Variants in PRSS12 observed in about 807,000 individuals in gnomAD.
PRSS12 encodes serine protease 12, also known as neurotrypsin.
In PRSS12, 85 loss-of-function variants were observed where a neutral mutation model predicts 104.4. The ratio of observed to expected loss-of-function variants is 0.81; its 90% CI spans 0.68 to 0.98. The LOEUF is 0.98. Ranked by LOEUF, PRSS12 falls within the 50% of genes least tolerant of loss-of-function variation. PRSS12 has a pLI of 0.00. For synonymous variants in PRSS12, 454 were observed against 425.2 expected, an observed-to-expected ratio of 1.07 and a Z score of -0.83; for missense variants, 1,141 against 1,139.2, an observed-to-expected ratio of 1.00 and a Z score of -0.02.
At chr4:118,343,314 G>A (rs1349866554) in intron 1 of PRSS12, among the ~76,000 whole-genome samples, 5 of 151,996 alleles carry the variant, frequency 3.3e-5, no homozygotes, top group Admixed American at 3.3e-4. Context: ...AGGATTGCTT[G>A]TACCCAGGAG....
At position 118,294,879 on chromosome 4, in the gene PRSS12, G is replaced by T. The variant is rs1348701558; in HGVS notation, c.2039+60C>A. 3.7e-6 allele frequency: 6 copies of T among 1,605,348 alleles called. No individual in the cohort carries two copies. The African/African-American group carries it at 8.0e-5, about 21-fold the overall frequency. ...ACCTTGAGTGCTGTAGAGCATGAGG[G>T]GATTGGAAGAACTGATGAATAGAAG... On this transcript the variant is annotated intron_variant, in intron 11 of 12. Coordinates refer to ENST00000296498, the MANE Select transcript of PRSS12 (RefSeq NM_003619.4).
chr4:118,311,389 C>A (rs1743722691), intron 7 of PRSS12, among the ~76,000 whole-genome samples: 1 of 152,098 alleles, frequency 6.6e-6, no homozygotes. Flanking sequence ...AATTAGCCTT[C>A]AAATAGCTGA....
chr4:118,339,509 A>G (rs959494359), intron 1 of PRSS12, among the ~76,000 whole-genome samples: 2 of 152,330 alleles, frequency 1.3e-5, no homozygotes, highest in African/African-American at 4.8e-5. Flanking sequence ...AAAACATATT[A>G]TATTTCTCAC....
At chr4:118,335,333 T>C (rs1216272110) in intron 3 of PRSS12, 140 bp downstream of exon 3, 1 of 934,650 alleles carries the variant, frequency 1.1e-6, no homozygotes, top group South Asian at 1.8e-5. Flanking sequence ...ACTAATTAGA[T>C]GGTAAAATAT....
At chr4:118,345,947 T>C (rs1724343825) in intron 1 of PRSS12, among the ~76,000 whole-genome samples, 2 of 152,206 alleles carry the variant, frequency 1.3e-5, no homozygotes, top group South Asian at 4.1e-4. Context: ...TATGTAATCA[T>C]GGTAATTGTA....
chr4:118,323,763 CA>C (rs1054126360), intron 4 of PRSS12, among the ~76,000 whole-genome samples: 1 of 148,328 alleles, frequency 6.7e-6, no homozygotes, highest in Non-Finnish European at 1.5e-5. Context: ...TTGCAATTTG[CA>C]AAAAAAAACT....
At chr4:118,322,538 A>G (rs1723660872) in intron 4 of PRSS12, among the ~76,000 whole-genome samples, 1 of 143,756 alleles carries the variant, frequency 7.0e-6, no homozygotes. Context: ...TGACACAGCG[A>G]GACTCCATCT....
intron 7 of PRSS12, 96 bp downstream of exon 7, chr4:118,313,105 A>G (rs1298122471): frequency 2.1e-6 from 3 of 1,454,004 alleles, no homozygotes; most frequent in Non-Finnish European, 2.8e-6. Context: ...CCCCAAAAAA[A>G]GCCAAAGATG....
chr4:118,343,694 T>C (rs1724273842), intron 1 of PRSS12, among the ~76,000 whole-genome samples: 1 of 152,140 alleles, frequency 6.6e-6, no homozygotes, highest in Non-Finnish European at 1.5e-5. Flanking sequence ...CATTCAAGGT[T>C]ACGATGAGCT....
intron 11 of PRSS12, among the ~76,000 whole-genome samples, chr4:118,287,720 A>G (rs960205543): frequency 1.3e-5 from 2 of 152,188 alleles, no homozygotes; most frequent in African/African-American, 2.4e-5. Flanking sequence ...TTATGGTTCT[A>G]GGCTTCTCAA....
intron 11 of PRSS12, among the ~76,000 whole-genome samples, chr4:118,287,179 CTG>C (rs1176772325): frequency 7.2e-5 from 11 of 152,106 alleles, no homozygotes; most frequent in Non-Finnish European, 1.5e-5. Context: ...AGGGTTCACT[CTG>C]TTGCCCAGGC....
intron 2 of PRSS12, 130 bp downstream of exon 2, chr4:118,338,044 CTT>C: frequency 8.2e-7 from 1 of 1,216,228 alleles, no homozygotes; most frequent in Non-Finnish European, 1.2e-6. Context: ...CTTTATAGCT[CTT>C]TTGTGAAAAG....
chr4:118,335,912 T>A (rs919747420), intron 2 of PRSS12, among the ~76,000 whole-genome samples: 7 of 152,192 alleles, frequency 4.6e-5, no homozygotes, highest in African/African-American at 1.7e-4. Context: ...AATGACTGAT[T>A]TAGAAGAAAA....
Position 118,350,004 on chromosome 4 carries a change from A to T in PRSS12, c.502+2215T>A, listed in dbSNP as rs115892076. 4.2e-3 allele frequency among the ~76,000 whole-genome samples: 644 copies of T among 152,288 alleles called. 10 individuals carry two copies. The highest frequency in any genetic ancestry group is 0.015 in the African/African-American group (623 of 41,546). On this transcript the variant is annotated intron_variant, in intron 1 of 12. Coordinates refer to ENST00000296498, the MANE Select transcript of PRSS12 (RefSeq NM_003619.4). ...GGTGACAGACGAAGACCCTTGTCAA[A>T]AAATAAATAAATAAATAAAAATAAA...
chr4:118,335,853 G>T (rs183409308), intron 2 of PRSS12, among the ~76,000 whole-genome samples: 1 of 152,164 alleles, frequency 6.6e-6, no homozygotes, highest in Non-Finnish European at 1.5e-5. Flanking sequence ...CCTACTTATG[G>T]AATTCTTTTC....
At chr4:118,298,666 C>T in intron 9 of PRSS12, 67 bp downstream of exon 9, 5 of 1,402,808 alleles carry the variant, frequency 3.6e-6, no homozygotes, top group Non-Finnish European at 4.0e-6. Flanking sequence ...TATCAAAGTA[C>T]TGCTTATAGT....
intron 2 of PRSS12, 36 bp from the exon 3 acceptor site, chr4:118,335,687 T>C (rs748778369): frequency 2.2e-5 from 35 of 1,594,906 alleles, no homozygotes; most frequent in Non-Finnish European, 3.0e-5. Context: ...GTTTATCAAA[T>C]GTAGGCAAAA....
At chr4:118,289,176 A>G (rs1743077938) in intron 11 of PRSS12, among the ~76,000 whole-genome samples, 3 of 152,224 alleles carry the variant, frequency 2.0e-5, no homozygotes, top group Admixed American at 2.0e-4. Flanking sequence ...ATTCTGATAC[A>G]AAGATTATAT....
chr4:118,326,650 C>G (rs1723778882), intron 4 of PRSS12, among the ~76,000 whole-genome samples: 1 of 152,162 alleles, frequency 6.6e-6, no homozygotes, highest in Non-Finnish European at 1.5e-5. Flanking sequence ...TTTCTTTCAG[C>G]CCTATATTTG....
Sources: allele counts gnomAD v4.1 joint callset (sites outside exome capture counted in the v4.1 genomes callset), GRCh38; gene constraint gnomAD v4.1.1; transcripts MANE v1.5; gene names NCBI Gene and HGNC (gene_info 2026-07-23, HGNC 2026-07-21).